Variants in BRD9 observed in about 807,000 individuals in gnomAD.
BRD9 encodes bromodomain-containing protein 9.
BRD9 carries 47 observed loss-of-function variants against 68.7 expected under a neutral mutation model. The ratio of observed to expected loss-of-function variants is 0.68; its 90% CI spans 0.54 to 0.87. BRD9 has a LOEUF of 0.87. BRD9 is among the 40% of genes least tolerant of loss of function. The pLI is 0.00. For missense variants in BRD9, 670 were observed against 748.4 expected (o/e 0.90, Z 1.22); for synonymous variants, 313 against 293.9 (o/e 1.06, Z -0.67).
rs1217539491 is a variant in BRD9, at chr5:864,582, AACACAGGACTTCAAC to A, written c.1694-29_1694-15del. On this transcript the variant is annotated splice_polypyrimidine_tract_variant and intron_variant, in intron 15 of 15. Transcript: ENST00000467963. The stretch of plus-strand genomic sequence containing the variant: ...GAGAAGGGCTTCCTGCAATTTTCAG[AACACAGGACTTCAAC>A]ACACAGGACAGACCCGCAGCACACG... The A allele has an allele frequency of 1.2e-6, 2 of 1,611,414 alleles. No individual in the cohort carries two copies. Among genetic ancestry groups the A allele is most frequent in the Non-Finnish European group, 8.5e-7 (1 of 1,177,960 alleles).
chr5:890,161 C>G, intron 3 of BRD9: 1 of 200,470 alleles, frequency 5.0e-6, no homozygotes, highest in Non-Finnish European at 1.0e-5. Flanking sequence ...ACACTGCACT[C>G]CAGCCTAGGC....
In BRD9 at chr5:892,621, G is replaced by A; in HGVS notation, c.37C>T (p.Arg13Cys). 1 of 1,523,822 alleles carries A rather than the reference G, an allele frequency of 6.6e-7. No homozygotes were observed. Among genetic ancestry groups the A allele is most frequent in the Non-Finnish European group, 8.8e-7 (1 of 1,135,276 alleles). The allele number at this position is 1,523,822 out of a possible 1,614,324, so 94.4% of individuals were successfully genotyped here. Residue 13 changes from arginine (R) to cysteine (C), a missense_variant, in exon 1 of 16, where the codon CGC (arginine) becomes TGC (cysteine). Arg to Cys is a radical substitution (Grantham distance 180). Transcript: ENST00000467963. ...KKHKKHKAEW[R>C]SSYEDYADKP... The stretch of plus-strand genomic sequence containing the variant: ...GCCGCCTCACCCTCGTAGGACGAGC[G>A]CCACTCGGCCTTGTGCTTCTTGTGC...
intron 14 of BRD9, among the ~76,000 whole-genome samples, chr5:867,116 G>T (rs538324819): frequency 4.7e-4 from 72 of 152,242 alleles, no homozygotes; most frequent in African/African-American, 1.7e-3. Context: ...GGCTAAAAGG[G>T]GCCAAGGTAC....
rs57728463 is a variant in BRD9, at chr5:876,077, A to C, written c.1383+24T>G. 12,244 of 1,563,148 alleles carry C rather than the reference A, an allele frequency of 7.8e-3. 622 individuals are homozygous for C. The African/African-American group carries it at 0.12, about 16-fold the overall frequency. On this transcript the variant is annotated intron_variant, in intron 12 of 15. Transcript: ENST00000467963. Reference sequence around the variant, plus strand: ...AGCACCCCAAGGGCACCTGCCCCCCAACCCCGGTGCGAGTGCAGCCCACCT... The same window carrying C: ...AGCACCCCAAGGGCACCTGCCCCCCCACCCCGGTGCGAGTGCAGCCCACCT...
chr5:878,628 T>C, intron 10 of BRD9, 141 bp from the exon 11 acceptor site: 1 of 1,220,904 alleles, frequency 8.2e-7, no homozygotes, highest in African/African-American at 1.5e-5. Flanking sequence ...TCCACAAAAT[T>C]CTCACTCCTG....
chr5:865,809 A>G, intron 14 of BRD9: 2 of 518,614 alleles, frequency 3.9e-6, no homozygotes, highest in Non-Finnish European at 6.8e-6. Flanking sequence ...TTGCTCAAGC[A>G]AAGCATCAGA....
chr5:891,596 G>A (rs867141147), intron 2 of BRD9, 44 bp downstream of exon 2: 7 of 1,539,826 alleles, frequency 4.5e-6, no homozygotes, highest in Middle Eastern at 2.0e-4. Flanking sequence ...CTCCCCACGG[G>A]CTCCTCGTGG....
chr5:864,391 T>C lies in BRD9; in HGVS notation c.*77A>G. On this transcript the variant is annotated 3_prime_UTR_variant, in exon 16 of 16. Transcript: ENST00000467963. ...GCCAAAGGGGACAGGATCAAAGTCC[T>C]TGTCTGATGACAAAAACTCTACACG... 2.4e-6 allele frequency: 3 copies of C among 1,271,518 alleles called. No homozygotes were observed. The highest frequency in any genetic ancestry group is 4.7e-5 in the Admixed American group (2 of 42,424). 78.8% of individuals were successfully genotyped at this position (1,271,518 alleles called of 1,614,324 possible).
intron 12 of BRD9, among the ~76,000 whole-genome samples, chr5:873,813 A>C (rs1750502536): frequency 1.3e-5 from 2 of 152,246 alleles, no homozygotes; most frequent in Admixed American, 1.3e-4. Context: ...CTTGGGAGCC[A>C]TGAGCCAAAC....
chr5:872,369 G>A lies in BRD9; in HGVS notation c.1384-805C>T, dbSNP rs1750274572. Among the ~76,000 whole-genome samples the A allele has an allele frequency of 3.9e-5, 6 of 152,180 alleles. No individual in the cohort carries two copies. In the South Asian group the frequency reaches 1.2e-3, roughly 31 times the overall value. On this transcript the variant is annotated intron_variant, in intron 12 of 15. Transcript: ENST00000467963. ...CATTTACTGCGGGGGTGCACTCGGG[G>A]TCACTCAACTCCATATCCAAGTTCA...
Position 865,526 on chromosome 5 carries a change from C to T in BRD9, c.1581G>A (p.Thr527=), listed in dbSNP as rs139987747. The T allele has an allele frequency of 3.0e-5, 49 of 1,607,052 alleles. No homozygotes were observed. Among genetic ancestry groups the T allele is most frequent in the Non-Finnish European group, 2.6e-5 (31 of 1,179,032 alleles). The part of the protein sequence containing the change: ...PDDSHLNLDE[T]TKLLQDLHEA... ...CGTGCAGGTCCTGCAGGAGCTTCGT[C>T]GTCTCATCCAAGTTCAAATGGCTGT... Residue 527 remains threonine (T), a synonymous_variant, in exon 15 of 16, where the codon ACG becomes ACA. Coordinates refer to ENST00000467963, the MANE Select transcript of BRD9 (RefSeq NM_023924.5).
intron 1 of BRD9, chr5:892,333 C>G (rs1560937821): frequency 1.4e-6 from 1 of 697,948 alleles, no homozygotes; most frequent in Non-Finnish European, 2.2e-6. Context: ...CAAAAGCCAG[C>G]ACAGATGCTT....
chr5:886,925 A>T, intron 6 of BRD9: 1 of 745,150 alleles, frequency 1.3e-6, no homozygotes, highest in Non-Finnish European at 2.1e-6. Flanking sequence ...GGCTTGACCC[A>T]CCGCCAGAGC....
At chr5:875,474 A>T (rs56110873) in intron 12 of BRD9, among the ~76,000 whole-genome samples, 5,210 of 151,620 alleles carry the variant, frequency 0.034, 128 homozygotes, top group Non-Finnish European at 0.049. Flanking sequence ...CAGCCTCCCG[A>T]GTAGCTGGGA....
At chr5:869,610 G>A (rs928892088) in intron 14 of BRD9, among the ~76,000 whole-genome samples, 1 of 152,122 alleles carries the variant, frequency 6.6e-6, no homozygotes, top group African/African-American at 2.4e-5. Flanking sequence ...TCTTTTTGAA[G>A]CCTGCTACCT....
At chr5:886,541 G>C in intron 7 of BRD9, 51 bp downstream of exon 7, 1 of 1,526,882 alleles carries the variant, frequency 6.5e-7, no homozygotes, top group Admixed American at 1.8e-5. Context: ...CTGCTTTCCT[G>C]GCTATGGTGC....
intron 3 of BRD9, chr5:890,034 C>G (rs1217268517): frequency 2.9e-6 from 1 of 342,056 alleles, no homozygotes; most frequent in Non-Finnish European, 5.8e-6. Flanking sequence ...TAAAATTCAA[C>G]AAAAAGTAAA....
Position 870,575 on chromosome 5 carries a change from C to T in BRD9, c.1423G>A (p.Val475Ile). ...VPMKPPDEAK[V>I]GDTLGDSSSS... ...CTGCTGTCTCCTAGGGTGTCCCCAA[C>T]CTGTGGAGACAGACACACATCAAGA... Residue 475 changes from valine (V) to isoleucine (I), a missense_variant and splice_region_variant, in exon 14 of 16, where the codon GTT becomes ATT. Coordinates refer to ENST00000467963, the MANE Select transcript of BRD9 (RefSeq NM_023924.5). 1 of 1,608,832 alleles carries T rather than the reference C, an allele frequency of 6.2e-7. No individual in the cohort carries two copies. The highest frequency in any genetic ancestry group is 8.5e-7 in the Non-Finnish European group (1 of 1,175,690).
chr5:891,624 G>A lies in BRD9; in HGVS notation c.267+16C>T, dbSNP rs1368245945. 5.2e-6 allele frequency: 8 copies of A among 1,549,562 alleles called. No homozygotes were observed. The highest frequency in any genetic ancestry group is 1.4e-5 in the African/African-American group (1 of 72,862). ...CCTCGTGGGCAGCGTCCGGGCCACC[G>A]CCGCTGCTCCTTTACCTTTCGCTTC... On this transcript the variant is annotated intron_variant, in intron 2 of 15. Coordinates refer to ENST00000467963, the MANE Select transcript of BRD9 (RefSeq NM_023924.5).
Sources: allele counts gnomAD v4.1 joint callset (sites outside exome capture counted in the v4.1 genomes callset), GRCh38; gene constraint gnomAD v4.1.1; transcripts MANE v1.5; gene names NCBI Gene and HGNC (gene_info 2026-07-23, HGNC 2026-07-21).